NT5M: variants seen among roughly 807,000 people sequenced by gnomAD.
NT5M encodes the protein 5'(3')-deoxyribonucleotidase, mitochondrial.
Under a neutral mutation model 22.2 loss-of-function variants are expected in NT5M, and 22 were observed. The ratio of observed to expected loss-of-function variants is 0.99; its 90% CI spans 0.71 to 1.41. The LOEUF is 1.41. Ranked by LOEUF, NT5M falls within the 40% of genes most tolerant of loss-of-function variation. The pLI, the probability that NT5M is intolerant of heterozygous loss-of-function variation, is 0.00. For missense variants in NT5M, 322 were observed against 314.8 expected (o/e 1.02, Z -0.17); for synonymous variants, 167 against 133.0 (o/e 1.26, Z -1.76).
At chr17:17,315,785 C>T (rs1222454089) in intron 2 of NT5M, among the ~76,000 whole-genome samples, 10 of 135,676 alleles carry the variant, frequency 7.4e-5, no homozygotes, top group Non-Finnish European at 1.4e-4. Context: ...GAGACAGCCT[C>T]GCTCCATCAC....
chr17:17,346,948 G>T lies in NT5M; in HGVS notation c.*1G>T. 1 of 1,610,778 alleles carries T rather than the reference G, an allele frequency of 6.2e-7. No individual in the cohort carries two copies. Among genetic ancestry groups the T allele is most frequent in the Non-Finnish European group, 8.5e-7 (1 of 1,179,890 alleles). On this transcript the variant is annotated 3_prime_UTR_variant, in exon 5 of 5. Transcript: ENST00000389022. ...TCTGGACAGCAAGCGGCCCTGCTGA[G>T]CTGGACTGTGCTTCGGGCTCCTCTG...
intron 4 of NT5M, 168 bp downstream of exon 4, chr17:17,345,076 G>A (rs2049729909): frequency 1.7e-6 from 2 of 1,162,368 alleles, no homozygotes; most frequent in South Asian, 3.2e-5. Flanking sequence ...TGTATGGGCT[G>A]TGGCCTGGTG....
chr17:17,340,490 G>GCTCT, intron 3 of NT5M, among the ~76,000 whole-genome samples: 1 of 149,396 alleles, frequency 6.7e-6, no homozygotes, highest in East Asian at 2.0e-4. Flanking sequence ...ATTTATTTCT[G>GCTCT]CTCTGATTTT....
Position 17,303,730 on chromosome 17 carries a change from C to T in NT5M, c.180C>T (p.Arg60=), listed in dbSNP as rs2145300895. 6.3e-7 allele frequency: 1 copy of T among 1,591,476 alleles called. No homozygotes were observed. Among genetic ancestry groups the T allele is most frequent in the Admixed American group, 1.7e-5 (1 of 58,326 alleles). ...EGGFLRKFRA[R]FPDQPFIALE... is the part of the protein sequence containing the mutation. ...GATTCCTCAGGAAGTTCCGCGCGCG[C>T]TTTCCCGACCAGCCCTTCATCGCGC... is the stretch of plus-strand genomic sequence containing the variant. Residue 60 remains arginine, a synonymous_variant, in exon 1 of 5, where the codon CGC becomes CGT. Transcript: ENST00000389022.
At chr17:17,322,072 C>A (rs2049162745) in intron 2 of NT5M, among the ~76,000 whole-genome samples, 1 of 151,944 alleles carries the variant, frequency 6.6e-6, no homozygotes. Context: ...TGTACCTATG[C>A]ACACACATAT....
intron 2 of NT5M, among the ~76,000 whole-genome samples, chr17:17,321,471 G>A (rs2049149891): frequency 6.6e-6 from 1 of 151,824 alleles, no homozygotes; most frequent in Non-Finnish European, 1.5e-5. Context: ...CGGCAGGTGA[G>A]TCTCCAGATC....
chr17:17,308,364 C>T (rs1158351025), intron 2 of NT5M, among the ~76,000 whole-genome samples: 3 of 152,134 alleles, frequency 2.0e-5, no homozygotes, highest in South Asian at 4.2e-4. Flanking sequence ...GAGGTCGAGG[C>T]GGGCGGATCA....
chr17:17,338,395 G>C (rs577027987), intron 3 of NT5M, among the ~76,000 whole-genome samples: 1 of 152,018 alleles, frequency 6.6e-6, no homozygotes, highest in Non-Finnish European at 1.5e-5. Context: ...GTTTCACCAC[G>C]TTAGCCAGGC....
At chr17:17,338,969 T>C (rs886428962) in intron 3 of NT5M, among the ~76,000 whole-genome samples, 15 of 151,670 alleles carry the variant, frequency 9.9e-5, no homozygotes, top group Non-Finnish European at 1.3e-4. Flanking sequence ...CCTCGTGATC[T>C]GCCTGCCTCG....
At chr17:17,322,811 C>CG (rs1381990069) in intron 2 of NT5M, among the ~76,000 whole-genome samples, 1 of 152,212 alleles carries the variant, frequency 6.6e-6, no homozygotes, top group Non-Finnish European at 1.5e-5. Flanking sequence ...TTCAGGGACT[C>CG]GATCACTGCA....
rs948537240 is a variant in NT5M, at chr17:17,346,986, C to T, written c.*39C>T. On this transcript the variant is annotated 3_prime_UTR_variant, in exon 5 of 5. Transcript: ENST00000389022. Reference sequence around the variant, plus strand: ...TCGGGCTCCTCTGTGGGGCTCTGACCTCAGGGCTCCCAGCTCGGGGCCTGT... The same window carrying T: ...TCGGGCTCCTCTGTGGGGCTCTGACTTCAGGGCTCCCAGCTCGGGGCCTGT... 2.5e-6 allele frequency: 4 copies of T among 1,602,122 alleles called. No homozygotes were observed. The highest frequency in any genetic ancestry group is 3.4e-6 in the Non-Finnish European group (4 of 1,176,164).
chr17:17,326,244 C>A lies in NT5M; in HGVS notation c.429+2999C>A, dbSNP rs138229111. On this transcript the variant is annotated intron_variant, in intron 3 of 4. Transcript: ENST00000389022. Reference sequence around the variant, plus strand: ...TCTTCTGATTTGACAGATGAAGAAACTGAGGCTCAGAGGGATGAGGCAGCT... The same window carrying A: ...TCTTCTGATTTGACAGATGAAGAAAATGAGGCTCAGAGGGATGAGGCAGCT... Among the ~76,000 whole-genome samples, 374 of 152,306 alleles carry A rather than the reference C, an allele frequency of 2.5e-3. 3 individuals are homozygous for A. The highest frequency in any genetic ancestry group is 8.6e-3 in the African/African-American group (358 of 41,574).
rs534897891 is a variant in NT5M, at chr17:17,343,243, A to G, written c.430-1551A>G. Reference sequence around the variant, plus strand: ...GGGCTAGGAGAAGGGCCCTGTGCATATGTGTGTGTGTGTGCATGTGTGTGT... The same window carrying G: ...GGGCTAGGAGAAGGGCCCTGTGCATGTGTGTGTGTGTGTGCATGTGTGTGT... On this transcript the variant is annotated intron_variant, in intron 3 of 4. Coordinates refer to ENST00000389022, the MANE Select transcript of NT5M (RefSeq NM_020201.4). Among the ~76,000 whole-genome samples the G allele has an allele frequency of 2.8e-4, 42 of 151,758 alleles. No homozygotes were observed. In the South Asian group the frequency reaches 3.5e-3, roughly 13 times the overall value.
intron 2 of NT5M, among the ~76,000 whole-genome samples, chr17:17,322,740 C>T (rs892039447): frequency 1.3e-5 from 2 of 152,158 alleles, no homozygotes; most frequent in African/African-American, 2.4e-5. Context: ...CGCGGAGCTA[C>T]GACCTTGGGG....
chr17:17,322,902 A>G (rs2049180644), intron 2 of NT5M, among the ~76,000 whole-genome samples: 1 of 152,200 alleles, frequency 6.6e-6, no homozygotes, highest in Non-Finnish European at 1.5e-5. Flanking sequence ...CTTCTTCCTC[A>G]TAGATTTCTT....
intron 3 of NT5M, among the ~76,000 whole-genome samples, chr17:17,333,287 G>T (rs1365529909): frequency 2.6e-5 from 4 of 152,028 alleles, no homozygotes; most frequent in Non-Finnish European, 5.9e-5. Flanking sequence ...TCTGTGATTT[G>T]TATTTTAATT....
intron 2 of NT5M, among the ~76,000 whole-genome samples, chr17:17,322,228 C>T (rs1391471125): frequency 6.6e-6 from 1 of 151,956 alleles, no homozygotes; most frequent in Admixed American, 6.6e-5. Context: ...GGTGTGCTGT[C>T]GAGTGTGGGC....
At chr17:17,306,673 G>A (rs758197212) in intron 2 of NT5M, 30 bp downstream of exon 2, 2 of 1,487,058 alleles carry the variant, frequency 1.3e-6, no homozygotes, top group African/African-American at 1.4e-5. Context: ...CACTCAGTAA[G>A]TTTGTCTGAG....
intron 4 of NT5M, among the ~76,000 whole-genome samples, chr17:17,345,558 G>A (rs908129990): frequency 6.6e-6 from 1 of 151,830 alleles, no homozygotes; most frequent in Non-Finnish European, 1.5e-5. Context: ...CTACTTCAGG[G>A]GCTGAAGTGG....
Sources: allele counts gnomAD v4.1 joint callset (sites outside exome capture counted in the v4.1 genomes callset), GRCh38; gene constraint gnomAD v4.1.1; transcripts MANE v1.5; gene names NCBI Gene and HGNC (gene_info 2026-07-23, HGNC 2026-07-21).